LRRC37A3: variants seen among roughly 807,000 people sequenced by gnomAD.
LRRC37A3 encodes the protein leucine rich repeat containing 37 member A3.
LRRC37A3 carries 25 observed loss-of-function variants against 106.2 expected under a neutral mutation model. The observed-to-expected ratio is 0.24, with a 90% CI of 0.17 to 0.33. The LOEUF is 0.33. LRRC37A3 is among the 10% of genes least tolerant of loss of function. LRRC37A3 has a pLI of 1.00. For missense variants in LRRC37A3, 712 were observed against 1,644.9 expected (o/e 0.43, Z 9.81); for synonymous variants, 305 against 635.8 (o/e 0.48, Z 7.83).
At chr17:64,864,228 C>T (rs190147326) in intron 10 of LRRC37A3, among the ~76,000 whole-genome samples, 1 of 152,058 alleles carries the variant, frequency 6.6e-6, no homozygotes, top group East Asian at 1.9e-4. Context: ...GAATACATCA[C>T]CTATGCAGTA....
At chr17:64,918,107 A>G (rs1371513684) in intron 2 of LRRC37A3, among the ~76,000 whole-genome samples, 1 of 150,202 alleles carries the variant, frequency 6.7e-6, no homozygotes. Context: ...ATTAATATGT[A>G]GCATGCAGGA....
Position 64,860,482 on chromosome 17 carries a change from C to A in LRRC37A3, c.3664G>T (p.Gly1222Trp). ...GCGTTTCCCGCTAACTTCTCAGGCC[C>A]CTGCTGTGTGTGAGGCTGTTTCAGC... is the stretch of plus-strand genomic sequence containing the variant. Reference protein sequence around the residue: ...RELKQPHTQQGPEKLAGNAVY... With the variant: ...RELKQPHTQQWPEKLAGNAVY... The change falls in exon 12 of 15, where the codon GGG becomes TGG. Residue 1222 changes from glycine to tryptophan, a missense_variant. By Grantham distance (184) the Gly-to-Trp change is radical (BLOSUM62 -2). Coordinates refer to ENST00000584306, the MANE Select transcript of LRRC37A3 (RefSeq NM_199340.5). The A allele has an allele frequency of 6.2e-7, 1 of 1,613,288 alleles. No homozygotes were observed. Among genetic ancestry groups the A allele is most frequent in the Non-Finnish European group, 8.5e-7 (1 of 1,179,808 alleles).
intron 13 of LRRC37A3, among the ~76,000 whole-genome samples, chr17:64,857,496 G>T (rs1208813158): frequency 6.6e-6 from 1 of 152,154 alleles, no homozygotes; most frequent in Non-Finnish European, 1.5e-5. Context: ...AGTTTTTGGT[G>T]GTGGCTGTTT....
At chr17:64,874,368 C>T (rs1237299957) in intron 8 of LRRC37A3, among the ~76,000 whole-genome samples, 6 of 148,862 alleles carry the variant, frequency 4.0e-5, no homozygotes, top group East Asian at 2.0e-4. Flanking sequence ...CCCCTACGCC[C>T]GGCAGCCGCC....
At chr17:64,859,243 C>T (rs888706870) in intron 12 of LRRC37A3, among the ~76,000 whole-genome samples, 199 bp downstream of exon 12, 2 of 152,174 alleles carry the variant, frequency 1.3e-5, no homozygotes, top group African/African-American at 4.8e-5. Flanking sequence ...TGAGCTACCA[C>T]CCCCAGCCTA....
Position 64,854,553 on chromosome 17 carries a change from C to T in LRRC37A3, c.*46G>A, listed in dbSNP as rs543692794. ...CTGCTTTTTTGATGGCCGTTGTTTA[C>T]GCTATGTATTTTTGCAGGAGGCCTG... On this transcript the variant is annotated 3_prime_UTR_variant, in exon 15 of 15. Coordinates refer to ENST00000584306, the MANE Select transcript of LRRC37A3 (RefSeq NM_199340.5). 5.7e-5 allele frequency: 92 copies of T among 1,613,564 alleles called. No homozygotes were observed. In the South Asian group the frequency reaches 5.7e-4, roughly 10 times the overall value.
chr17:64,872,131 CA>C (rs1225535618), intron 8 of LRRC37A3, among the ~76,000 whole-genome samples: 1,102 of 22,680 alleles, frequency 0.049, 15 homozygotes, highest in African/African-American at 0.16. Context: ...GACTCTGTCT[CA>C]AAAAAAAAAA....
At chr17:64,914,988 T>C (rs1270180493) in intron 2 of LRRC37A3, among the ~76,000 whole-genome samples, 2 of 151,878 alleles carry the variant, frequency 1.3e-5, no homozygotes, top group East Asian at 3.8e-4. Flanking sequence ...GGGAAGCAGG[T>C]AGGGATGAAG....
At chr17:64,863,531 T>A (rs1338159065) in intron 10 of LRRC37A3, 1 of 157,076 alleles carries the variant, frequency 6.4e-6, no homozygotes, top group Non-Finnish European at 1.4e-5. Flanking sequence ...ATAACAACAA[T>A]AAGTTACAAC....
chr17:64,861,719 T>C (rs527676942), intron 11 of LRRC37A3, among the ~76,000 whole-genome samples: 1 of 152,342 alleles, frequency 6.6e-6, no homozygotes, highest in Non-Finnish European at 1.5e-5. Context: ...AGTTTCGGGA[T>C]AAACATTACT....
At position 64,859,861 on chromosome 17, in the gene LRRC37A3, C is replaced by T; in HGVS notation, c.4285G>A (p.Gly1429Arg). Reference protein sequence around the residue: ...YNHPPEADSAGTAFNLGPTVK... With the variant: ...YNHPPEADSARTAFNLGPTVK... ...GTTGGCCCTAAGTTGAATGCAGTCCCAGCGGAATCTGCCTCAGGAGGATGA... is the reference window on the plus strand; with the variant it reads ...GTTGGCCCTAAGTTGAATGCAGTCCTAGCGGAATCTGCCTCAGGAGGATGA... The change falls in exon 12 of 15, where the codon GGG becomes AGG. Residue 1429 changes from glycine to arginine, a missense_variant. Coordinates refer to ENST00000584306, the MANE Select transcript of LRRC37A3 (RefSeq NM_199340.5). The T allele has an allele frequency of 6.2e-7, 1 of 1,612,728 alleles. No individual in the cohort carries two copies. Among genetic ancestry groups the T allele is most frequent in the East Asian group, 2.2e-5 (1 of 44,864 alleles).
Position 64,860,303 on chromosome 17 carries a change from A to C in LRRC37A3, c.3843T>G (p.Ile1281Met). The C allele has an allele frequency of 6.2e-7, 1 of 1,613,950 alleles. No homozygotes were observed. Among genetic ancestry groups the C allele is most frequent in the South Asian group, 1.1e-5 (1 of 91,076 alleles). The change falls in exon 12 of 15, where the codon ATT becomes ATG. Residue 1281 changes from isoleucine (I) to methionine (M), a missense_variant. Physicochemically the swap from Ile to Met is conservative, Grantham distance 10 (BLOSUM62 1). Coordinates refer to ENST00000584306, the MANE Select transcript of LRRC37A3 (RefSeq NM_199340.5). ...RWKDLTHAISILESAKARVTN... is the reference protein window; with the variant it reads ...RWKDLTHAISMLESAKARVTN... ...TAACTCTAGCCTTTGCACTTTCTAA[A>C]ATGGAAATAGCGTGGGTTAAGTCTT... is the stretch of plus-strand genomic sequence containing the variant.
At chr17:64,868,173 T>G (rs1973181392) in intron 10 of LRRC37A3, among the ~76,000 whole-genome samples, 1 of 151,932 alleles carries the variant, frequency 6.6e-6, no homozygotes, top group Non-Finnish European at 1.5e-5. Context: ...AAGGCAAAAG[T>G]ATAGGAACAG....
chr17:64,884,415 G>A (rs1481880731), intron 8 of LRRC37A3, among the ~76,000 whole-genome samples: 1 of 151,528 alleles, frequency 6.6e-6, no homozygotes, highest in Non-Finnish European at 1.5e-5. Context: ...CCTCAGGCTG[G>A]AGTGCAATGG....
intron 12 of LRRC37A3, 38 bp from the exon 13 acceptor site, chr17:64,858,921 A>C (rs1204701881): frequency 1.5e-6 from 2 of 1,378,334 alleles, no homozygotes; most frequent in East Asian, 2.3e-5. Flanking sequence ...CTAACTATTC[A>C]AAACCCCAGT....
rs561883948 is a variant in LRRC37A3 at position 64,876,645 on chromosome 17, A to G, written c.2907-7479T>C. Among the ~76,000 whole-genome samples the G allele has an allele frequency of 3.3e-5, 5 of 152,368 alleles. No homozygotes were observed. The East Asian group carries it at 9.6e-4, about 29-fold the overall frequency. On this transcript the variant is annotated intron_variant, in intron 8 of 14. Transcript: ENST00000584306. ...GGATGAAAGACACATTACCAGAAAA[A>G]TATGAACTACTGAATCTGACTTGAG... is the stretch of plus-strand genomic sequence containing the variant.
chr17:64,906,821 T>TCCCG (rs1370746001), intron 2 of LRRC37A3, among the ~76,000 whole-genome samples: 1 of 127,326 alleles, frequency 7.9e-6, no homozygotes, highest in Non-Finnish European at 1.6e-5. Flanking sequence ...AAGCTCCGCC[T>TCCCG]CCCGGGTTCA....
Position 64,854,336 on chromosome 17 carries a change from T to C in LRRC37A3, c.*263A>G, listed in dbSNP as rs1972604812. On this transcript the variant is annotated 3_prime_UTR_variant, in exon 15 of 15. Coordinates refer to ENST00000584306, the MANE Select transcript of LRRC37A3 (RefSeq NM_199340.5). ...GCAGGAGTTCAAGTATGTGGTATTA[T>C]ATGACTGGTGCTTGATGAACCAAGG... 1.7e-6 allele frequency: 1 copy of C among 593,614 alleles called. No homozygotes were observed. Among genetic ancestry groups the C allele is most frequent in the Admixed American group, 3.0e-5 (1 of 32,950 alleles). The allele number at this position is 593,614 out of a possible 1,614,324, so 36.8% of individuals were successfully genotyped here.
chr17:64,860,039 T>G lies in LRRC37A3; in HGVS notation c.4107A>C (p.Glu1369Asp), dbSNP rs1376380509. Residue 1369 changes from glutamate to aspartate, a missense_variant, in exon 12 of 15, where the codon GAA (glutamate) becomes GAC (aspartate). Transcript: ENST00000584306. ...GAGCAGATACTTCCAGAAAAGGATTTTCTTGAGGACTCAGGTCTCTTAAGG... is the reference window on the plus strand; with the variant it reads ...GAGCAGATACTTCCAGAAAAGGATTGTCTTGAGGACTCAGGTCTCTTAAGG... ...FSSLRDLSPQ[E>D]NPFLEVSAPS... is the part of the protein sequence containing the mutation. 2 of 1,613,862 alleles carry G rather than the reference T, an allele frequency of 1.2e-6. No homozygotes were observed.
Sources: allele counts gnomAD v4.1 joint callset (sites outside exome capture counted in the v4.1 genomes callset), GRCh38; gene constraint gnomAD v4.1.1; transcripts MANE v1.5; gene names NCBI Gene and HGNC (gene_info 2026-07-23, HGNC 2026-07-21).